Variants in SCFD2 observed in about 807,000 individuals in gnomAD.
SCFD2 encodes the protein sec1 family domain-containing protein 2.
A neutral mutation model predicts 58.9 loss-of-function variants in SCFD2; 54 were observed. The ratio of observed to expected loss-of-function variants is 0.92; its 90% CI spans 0.74 to 1.15. The LOEUF (loss-of-function observed/expected upper bound fraction) is 1.15, where lower values mean the gene tolerates loss of function less well. Ranked by LOEUF, SCFD2 falls within the 50% of genes most tolerant of loss-of-function variation. SCFD2 has a pLI of 0.00. For synonymous variants in SCFD2, 321 were observed against 335.9 expected (o/e 0.96, Z 0.49); for missense variants, 805 against 836.6 (o/e 0.96, Z 0.47).
Position 52,875,340 on chromosome 4 carries a change from C to A in SCFD2, c.1963-1279G>T, listed in dbSNP as rs150354348. ...CTATTCCCTGGGTCTGGGCTGGGGG[C>A]GTGATGTGCTTTGCAAGGGCCTGGT... is the stretch of plus-strand genomic sequence containing the variant. On this transcript the variant is annotated intron_variant, in intron 8 of 8. Transcript: ENST00000401642. Among the ~76,000 whole-genome samples the A allele has an allele frequency of 1.9e-3, 291 of 152,162 alleles. 1 individual carries two copies. Among genetic ancestry groups the A allele is most frequent in the African/African-American group, 6.6e-3 (275 of 41,512 alleles).
chr4:52,953,496 G>A (rs1453745437), intron 5 of SCFD2, among the ~76,000 whole-genome samples: 4 of 152,204 alleles, frequency 2.6e-5, no homozygotes, highest in Non-Finnish European at 5.9e-5. Context: ...AGCTCAGGGA[G>A]GTTAGATCGC....
intron 5 of SCFD2, among the ~76,000 whole-genome samples, chr4:52,937,872 G>T: frequency 6.6e-6 from 1 of 152,138 alleles, no homozygotes; most frequent in Non-Finnish European, 1.5e-5. Context: ...AAAATTCAAG[G>T]TTGGTTAAGG....
intron 5 of SCFD2, among the ~76,000 whole-genome samples, chr4:52,946,386 G>T (rs894778239): frequency 1.3e-5 from 2 of 151,830 alleles, no homozygotes; most frequent in African/African-American, 4.8e-5. Flanking sequence ...GATAGGAAAT[G>T]GCATGTTTCA....
intron 5 of SCFD2, among the ~76,000 whole-genome samples, chr4:53,023,623 T>C (rs1242641857): frequency 1.3e-5 from 2 of 152,226 alleles, no homozygotes; most frequent in Admixed American, 6.5e-5. Context: ...ATATGAATTT[T>C]ATTTCATGAA....
intron 4 of SCFD2, among the ~76,000 whole-genome samples, chr4:53,205,072 G>T (rs1165161853): frequency 6.6e-6 from 1 of 152,000 alleles, no homozygotes; most frequent in Admixed American, 6.5e-5. Context: ...TAAAAAACAG[G>T]AGGGAAAAAA....
Position 53,313,703 on chromosome 4 carries a change from C to T in SCFD2, c.1068G>A (p.Val356=), listed in dbSNP as rs768939117. The change falls in exon 3 of 9, where the codon GTG becomes GTA. Residue 356 remains valine (V), a synonymous_variant. Transcript: ENST00000401642. ...CCACTAGATGTCTCCGAACTTCCAT[C>T]ACTGCCTCTTTGTGCTTAGTGTTCA... is the stretch of plus-strand genomic sequence containing the variant. ...ALLNTKHKEA[V]MEVRRHLVEA... 1.2e-6 allele frequency: 2 copies of T among 1,614,098 alleles called. No individual in the cohort carries two copies. The highest frequency in any genetic ancestry group is 1.7e-5 in the Admixed American group (1 of 60,010).
In SCFD2 at chr4:53,335,194, CAA is replaced by C. The variant is rs56344451; in HGVS notation, c.1007+17402_1007+17403del. ...CTGGCGACAGAATGAGACTCCGTCT[CAA>C]AAAAAAAAAAAAAAAAACAACAAAA... On this transcript the variant is annotated intron_variant, in intron 2 of 8. Transcript: ENST00000401642. 4.9e-3 allele frequency among the ~76,000 whole-genome samples: 391 copies of C among 80,568 alleles called. 1 individual carries two copies. The highest frequency in any genetic ancestry group is 6.6e-3 in the Non-Finnish European group (328 of 49,444). 52.9% of individuals were successfully genotyped at this position (80,568 alleles called of 152,430 possible).
chr4:53,346,108 G>C (rs1734050115), intron 2 of SCFD2, among the ~76,000 whole-genome samples: 1 of 122,518 alleles, frequency 8.2e-6, no homozygotes, highest in Non-Finnish European at 1.8e-5. Flanking sequence ...ATTTAAAAAA[G>C]TTTAAAAAAT....
chr4:53,191,104 T>C (rs1204959514), intron 4 of SCFD2, among the ~76,000 whole-genome samples: 1 of 151,998 alleles, frequency 6.6e-6, no homozygotes, highest in African/African-American at 2.4e-5. Context: ...TCCCAGCACT[T>C]TGGGAGGCTG....
At chr4:52,918,699 T>C (rs1487938137) in intron 6 of SCFD2, among the ~76,000 whole-genome samples, 1 of 152,224 alleles carries the variant, frequency 6.6e-6, no homozygotes, top group Non-Finnish European at 1.5e-5. Context: ...TATTTTATTC[T>C]ATTTTTACAA....
rs528544695 is a variant in SCFD2 at position 53,141,095 on chromosome 4, T to A, written c.1561+4238A>T. ...TAAAAGTATAATTCTGGAAAAAAAA[T>A]TTTTTAATCTTTAAAGATATTTACA... On this transcript the variant is annotated intron_variant, in intron 5 of 8. Coordinates refer to ENST00000401642, the MANE Select transcript of SCFD2 (RefSeq NM_152540.4). 4.6e-4 allele frequency among the ~76,000 whole-genome samples: 70 copies of A among 152,152 alleles called. No individual in the cohort carries two copies. In the South Asian group the frequency reaches 7.1e-3, roughly 15 times the overall value.
chr4:53,278,063 CA>C (rs1003114289), intron 3 of SCFD2, among the ~76,000 whole-genome samples: 11 of 136,026 alleles, frequency 8.1e-5, no homozygotes, highest in South Asian at 2.4e-4. Context: ...AAACAAAAAA[CA>C]AAAAAAAAAA....
At chr4:52,914,478 T>G (rs985204893) in intron 6 of SCFD2, among the ~76,000 whole-genome samples, 4 of 152,298 alleles carry the variant, frequency 2.6e-5, no homozygotes, top group African/African-American at 9.6e-5. Context: ...CCTCAGTAGC[T>G]GCGTGGACTG....
In SCFD2 at chr4:53,365,251, C is replaced by G; in HGVS notation, c.691G>C (p.Gly231Arg). 1 of 1,614,210 alleles carries G rather than the reference C, an allele frequency of 6.2e-7. No homozygotes were observed. The highest frequency in any genetic ancestry group is 8.5e-7 in the Non-Finnish European group (1 of 1,180,046). Residue 231 changes from glycine to arginine, a missense_variant, in exon 1 of 9, where the codon GGA (glycine) becomes CGA (arginine). Physicochemically the swap from Gly to Arg is moderately radical, Grantham distance 125 (BLOSUM62 -2). Around this residue, in one of 3 missense-constraint regions of SCFD2, gnomAD observed 633 missense variants for 646.8 expected, o/e 0.98. Transcript: ENST00000401642. The surrounding 1 kb of genome is among the most constrained non-coding windows in gnomAD (Gnocchi z 4.3). ...ACAGCAAAACACTCCTCCCGTACTC[C>G]TAAATGTTCACACAGAGAACTGAGG... ...SGLSSLCEHL[G>R]VREECFAVGS...
At chr4:53,251,453 T>G (rs1392095568) in intron 4 of SCFD2, among the ~76,000 whole-genome samples, 2 of 151,836 alleles carry the variant, frequency 1.3e-5, no homozygotes, top group East Asian at 1.9e-4. Context: ...TAGACCAATA[T>G]CCTTGATGAA....
chr4:53,282,300 G>T (rs1489612165), intron 3 of SCFD2, among the ~76,000 whole-genome samples: 4 of 151,948 alleles, frequency 2.6e-5, no homozygotes, highest in Non-Finnish European at 5.9e-5. Flanking sequence ...GGGCCTTCTA[G>T]ATTGCTTCTG....
intron 5 of SCFD2, among the ~76,000 whole-genome samples, chr4:52,997,005 C>G (rs1721754851): frequency 6.6e-6 from 1 of 152,240 alleles, no homozygotes; most frequent in Admixed American, 6.5e-5. Flanking sequence ...ATACTCAGAA[C>G]AGCAGTGCCA....
intron 5 of SCFD2, among the ~76,000 whole-genome samples, chr4:53,007,335 G>GAGAGAGAGAGAGAGGGA (rs1560508028): frequency 2.5e-5 from 1 of 39,220 alleles, no homozygotes; most frequent in Admixed American, 3.1e-4. Context: ...AGAGAGAGAG[G>GAGAGAGAGAGAGAGGGA]GAGAGAGAGA....
intron 4 of SCFD2, among the ~76,000 whole-genome samples, chr4:53,202,656 G>A (rs926732882): frequency 6.6e-6 from 1 of 152,178 alleles, no homozygotes; most frequent in Non-Finnish European, 1.5e-5. Flanking sequence ...TCCTACCCAT[G>A]AGCATGGAAT....
Sources: allele counts gnomAD v4.1 joint callset (sites outside exome capture counted in the v4.1 genomes callset), GRCh38; gene constraint gnomAD v4.1.1; regional missense constraint gnomAD v4.1.1; non-coding constraint Gnocchi (gnomAD v3.1); transcripts MANE v1.5; gene names NCBI Gene and HGNC (gene_info 2026-07-23, HGNC 2026-07-21).